Variants in LIFR observed in about 807,000 individuals in gnomAD.
LIFR encodes the protein LIF receptor subunit alpha.
LIFR carries 84 observed loss-of-function variants against 122.2 expected under a neutral mutation model. The ratio of observed to expected loss-of-function variants is 0.69; its 90% CI spans 0.58 to 0.82. The LOEUF is 0.82. Among genes scored for constraint, LIFR ranks in the 40% least tolerant of loss-of-function variants. The probability of loss-of-function intolerance (pLI) is 0.00; values close to 1 mark genes in which losing one functional copy is unlikely to be tolerated. For missense variants in LIFR, 1,294 were observed against 1,311.6 expected (o/e 0.99, Z 0.21); for synonymous variants, 422 against 434.7 (o/e 0.97, Z 0.36).
chr5:38,559,821 G>T (rs958031099), upstream of LIFR, among the ~76,000 whole-genome samples: 2 of 152,160 alleles, frequency 1.3e-5, no homozygotes, highest in African/African-American at 4.8e-5. Flanking sequence ...TGTGCTAAAC[G>T]TCTGTGATCT....
intron 1 of LIFR, among the ~76,000 whole-genome samples, chr5:38,564,358 G>C (rs1304520005): frequency 1.3e-5 from 2 of 151,884 alleles, no homozygotes; most frequent in Non-Finnish European, 2.9e-5. Context: ...AAGTAGCTGG[G>C]ACTACAGACA....
chr5:38,477,948 A>G lies in LIFR; in HGVS notation c.*3647T>C. On this transcript the variant is annotated 3_prime_UTR_variant, in exon 20 of 20. Coordinates refer to ENST00000453190, the MANE Select transcript of LIFR (RefSeq NM_001127671.2). ...TAGAGAATAGCAAAAATAACCTTAG[A>G]GCAAACAAAAAATTTTATTAGATTA... 1 of 208,828 alleles carries G rather than the reference A, an allele frequency of 4.8e-6. No individual in the cohort carries two copies. Among genetic ancestry groups the G allele is most frequent in the Non-Finnish European group, 9.5e-6 (1 of 105,596 alleles). 12.9% of individuals were successfully genotyped at this position (208,828 alleles called of 1,614,324 possible).
Position 38,506,524 on chromosome 5 carries a change from G to A in LIFR, c.1100C>T (p.Thr367Ile). ...TTACCTTTCAACTAAAGTGTAGCTTGTAGCACGTGGGCCCACCAACGCTGT... is the reference window on the plus strand; with the variant it reads ...TTACCTTTCAACTAAAGTGTAGCTTATAGCACGTGGGCCCACCAACGCTGT... ...RVTALVGPRA[T>I]SYTLVESFSG... The change falls in exon 8 of 20, where the codon ACA becomes ATA. Residue 367 changes from threonine (T) to isoleucine (I), a missense_variant. Physicochemically the swap from Thr to Ile is moderately conservative, Grantham distance 89. Coordinates refer to ENST00000453190, the MANE Select transcript of LIFR (RefSeq NM_001127671.2). 1 of 1,614,000 alleles carries A rather than the reference G, an allele frequency of 6.2e-7. No individual in the cohort carries two copies. Among genetic ancestry groups the A allele is most frequent in the Non-Finnish European group, 8.5e-7 (1 of 1,179,974 alleles).
chr5:38,521,916 G>A (rs986680260), intron 5 of LIFR, among the ~76,000 whole-genome samples: 5 of 152,164 alleles, frequency 3.3e-5, no homozygotes, highest in Admixed American at 2.0e-4. Flanking sequence ...AGGTCCATAG[G>A]CTGTAAGTTC....
At chr5:38,516,129 T>C (rs781085115) in intron 5 of LIFR, among the ~76,000 whole-genome samples, 1 of 152,168 alleles carries the variant, frequency 6.6e-6, no homozygotes, top group Non-Finnish European at 1.5e-5. Flanking sequence ...AGTAAGGAAT[T>C]ACTGCCTTGT....
chr5:38,559,459 T>A (rs1401548254), upstream of LIFR, among the ~76,000 whole-genome samples: 5 of 152,228 alleles, frequency 3.3e-5, no homozygotes, highest in Non-Finnish European at 7.3e-5. Context: ...GAATTTCAGC[T>A]CAATTTCAAG....
At chr5:38,572,472 A>G (rs1749244713) in intron 1 of LIFR, among the ~76,000 whole-genome samples, 2 of 152,212 alleles carry the variant, frequency 1.3e-5, no homozygotes, top group Admixed American at 6.5e-5. Context: ...ATTAGGGATT[A>G]TAATTCAACA....
chr5:38,589,330 T>A (rs1279845100), intron 1 of LIFR, among the ~76,000 whole-genome samples: 1 of 152,196 alleles, frequency 6.6e-6, no homozygotes, highest in Non-Finnish European at 1.5e-5. Flanking sequence ...ACAACTTAGC[T>A]ACTGATCATG....
chr5:38,540,169 A>C (rs1345650595), intron 1 of LIFR, among the ~76,000 whole-genome samples: 1 of 152,160 alleles, frequency 6.6e-6, no homozygotes, highest in African/African-American at 2.4e-5. Context: ...AAATCACCTA[A>C]CATCTCAGGT....
intron 1 of LIFR, among the ~76,000 whole-genome samples, chr5:38,549,260 C>T (rs1355719589): frequency 1.4e-5 from 2 of 147,132 alleles, no homozygotes; most frequent in African/African-American, 5.2e-5. Context: ...TGTACACACA[C>T]ACACACACAC....
chr5:38,571,529 CAAAAAA>C (rs11297745), intron 1 of LIFR, among the ~76,000 whole-genome samples: 1 of 74,684 alleles, frequency 1.3e-5, no homozygotes, highest in Non-Finnish European at 2.4e-5. Context: ...CATTCCAGCT[CAAAAAA>C]AAAAAAAAAA....
chr5:38,569,072 G>T (rs1749121557), intron 1 of LIFR, among the ~76,000 whole-genome samples: 2 of 152,152 alleles, frequency 1.3e-5, no homozygotes, highest in South Asian at 4.1e-4. Context: ...CAGTGACTTG[G>T]ATAATCTGAT....
rs1333155011 is a variant in LIFR at position 38,477,260 on chromosome 5, C to G, written c.*4335G>C. 4.5e-6 allele frequency: 1 copy of G among 220,280 alleles called. No homozygotes were observed. Among genetic ancestry groups the G allele is most frequent in the Non-Finnish European group, 9.1e-6 (1 of 109,982 alleles). 13.6% of individuals were successfully genotyped at this position (220,280 alleles called of 1,614,324 possible). ...CATAAAGATAAAAACGAACCAAATT[C>G]AAGCCAAGTAATTTCCAATGATATT... On this transcript the variant is annotated 3_prime_UTR_variant, in exon 20 of 20. Transcript: ENST00000453190.
Position 38,481,894 on chromosome 5 carries a change from C to A in LIFR, c.2995G>T (p.Ala999Ser). 6.2e-7 allele frequency: 1 copy of A among 1,614,136 alleles called. No individual in the cohort carries two copies. ...AGGTGCATCTGTGGCTTATAGCCTG[C>A]CCCTCCTACAGGGTCATTTTCTTGT... The part of the protein sequence containing the change: ...EEQENDPVGG[A>S]GYKPQMHLPI... Residue 999 changes from alanine to serine, a missense_variant, in exon 20 of 20, where the codon GCA becomes TCA. Transcript: ENST00000453190.
chr5:38,507,674 T>C (rs1308570446), intron 7 of LIFR, among the ~76,000 whole-genome samples: 1 of 152,068 alleles, frequency 6.6e-6, no homozygotes, highest in Non-Finnish European at 1.5e-5. Context: ...TAGAAACTGG[T>C]ATTTCCTCTC....
chr5:38,594,965 A>G, intron 1 of LIFR: 1 of 194,342 alleles, frequency 5.1e-6, no homozygotes, highest in East Asian at 8.1e-5. Flanking sequence ...TACAGTGACC[A>G]TTTCTACTCT....
intron 4 of LIFR, among the ~76,000 whole-genome samples, chr5:38,525,736 T>C (rs1036512787): frequency 6.6e-6 from 1 of 152,160 alleles, no homozygotes; most frequent in Non-Finnish European, 1.5e-5. Context: ...GAAGTTGATT[T>C]AGTGCCAGGA....
chr5:38,536,729 C>T (rs778172237), intron 1 of LIFR, among the ~76,000 whole-genome samples: 3 of 152,278 alleles, frequency 2.0e-5, no homozygotes, highest in Admixed American at 6.5e-5. Flanking sequence ...TAACAAAACA[C>T]GACGGGCACT....
intron 2 of LIFR, among the ~76,000 whole-genome samples, chr5:38,602,492 T>C (rs924884944): frequency 3.3e-5 from 5 of 152,038 alleles, no homozygotes; most frequent in Admixed American, 1.3e-4. Flanking sequence ...TGAGGCCTTC[T>C]CTTTTCTTTT....
Sources: allele counts gnomAD v4.1 joint callset (sites outside exome capture counted in the v4.1 genomes callset), GRCh38; gene constraint gnomAD v4.1.1; transcripts MANE v1.5; gene names NCBI Gene and HGNC (gene_info 2026-07-23, HGNC 2026-07-21).